Variants in LRSAM1 observed in about 807,000 individuals in gnomAD.
LRSAM1 encodes leucine rich repeat and sterile alpha motif containing 1.
Under a neutral mutation model 118.1 loss-of-function variants are expected in LRSAM1, and 96 were observed. The observed-to-expected ratio is 0.81, with a 90% CI of 0.69 to 0.96. The LOEUF (loss-of-function observed/expected upper bound fraction) is 0.96. Among genes scored for constraint, LRSAM1 ranks in the 40% least tolerant of loss-of-function variants. The pLI is 0.00. For synonymous variants in LRSAM1, 322 were observed against 364.2 expected, an observed-to-expected ratio of 0.88 and a Z score of 1.32; for missense variants, 804 against 915.5, an observed-to-expected ratio of 0.88 and a Z score of 1.57.
chr9:127,497,235 TTCC>T lies in LRSAM1; in HGVS notation c.1831-16_1831-14del. ...CTCCCGCCCAGGCCACAGTCTGCAC[TTCC>T]TTGAACTGTCACAGGTGGGCGTCTC... On this transcript the variant is annotated splice_polypyrimidine_tract_variant and intron_variant, in intron 23 of 25. Transcript: ENST00000300417. 1 of 1,612,592 alleles carries T rather than the reference TTCC, an allele frequency of 6.2e-7. No homozygotes were observed.
chr9:127,486,936 A>C (rs940042058), intron 17 of LRSAM1, among the ~76,000 whole-genome samples: 13 of 152,100 alleles, frequency 8.5e-5, no homozygotes, highest in Non-Finnish European at 1.6e-4. Flanking sequence ...TAATCCCAGC[A>C]CTTTGGGAGG....
chr9:127,461,084 G>A (rs1283608511), intron 7 of LRSAM1, 89 bp from the exon 8 acceptor site: 24 of 950,506 alleles, frequency 2.5e-5, no homozygotes, highest in Non-Finnish European at 3.6e-5. Context: ...TTGAACTCTT[G>A]ACCTTGTGAT....
chr9:127,462,936 C>T (rs1406669911), intron 9 of LRSAM1, among the ~76,000 whole-genome samples: 1 of 152,122 alleles, frequency 6.6e-6, no homozygotes. Context: ...TGGCTCACTC[C>T]TGTAATCCCA....
In LRSAM1 at chr9:127,459,068, C is replaced by T. The variant is rs1372307717; in HGVS notation, c.318C>T (p.Leu106=). 6.2e-7 allele frequency: 1 copy of T among 1,613,494 alleles called. No individual in the cohort carries two copies. The highest frequency in any genetic ancestry group is 8.5e-7 in the Non-Finnish European group (1 of 1,179,952). ...LPDDLGQLTA[L]QVLNVERNQL... is the part of the protein sequence containing the mutation. ...ACGATCTGGGGCAGCTGACTGCCCT[C>T]CAGGTAAGGCTGCAGAAACAGAAAC... Residue 106 remains leucine, a synonymous_variant, in exon 7 of 26, where the codon CTC becomes CTT. Coordinates refer to ENST00000300417, the MANE Select transcript of LRSAM1 (RefSeq NM_001005373.4).
intron 10 of LRSAM1, among the ~76,000 whole-genome samples, chr9:127,473,168 G>A (rs1023456483): frequency 6.6e-6 from 1 of 152,134 alleles, no homozygotes; most frequent in Non-Finnish European, 1.5e-5. Flanking sequence ...TTCTTGTGAC[G>A]TGACTGTATC....
intron 21 of LRSAM1, among the ~76,000 whole-genome samples, chr9:127,493,726 G>A (rs1170900761): frequency 1.3e-5 from 2 of 152,146 alleles, no homozygotes; most frequent in African/African-American, 4.8e-5. Flanking sequence ...GTCCCCTGAT[G>A]GGTTTGACAC....
chr9:127,462,285 G>C lies in LRSAM1; in HGVS notation c.440G>C (p.Gly147Ala). The C allele has an allele frequency of 6.2e-7, 1 of 1,614,100 alleles. No individual in the cohort carries two copies. The highest frequency in any genetic ancestry group is 2.2e-5 in the East Asian group (1 of 44,876). ...CTGAAGGAGCTTCCAGACACCGTGG[G>C]GGAGCTTCGAAGCCTGCGTACCCTC... ...NKLKELPDTV[G>A]ELRSLRTLNI... The change falls in exon 9 of 26, where the codon GGG (glycine) becomes GCG (alanine). Residue 147 changes from glycine to alanine, a missense_variant. Coordinates refer to ENST00000300417, the MANE Select transcript of LRSAM1 (RefSeq NM_001005373.4).
At chr9:127,458,921 C>T in intron 6 of LRSAM1, 82 bp from the exon 7 acceptor site, 1 of 1,423,298 alleles carries the variant, frequency 7.0e-7, no homozygotes, top group Non-Finnish European at 9.9e-7. Context: ...GTGAGGTGGC[C>T]CCAGCCCCTC....
intron 16 of LRSAM1, among the ~76,000 whole-genome samples, chr9:127,484,359 C>T (rs1261266291): frequency 2.7e-5 from 4 of 149,722 alleles, no homozygotes; most frequent in African/African-American, 9.8e-5. Flanking sequence ...GTTGCATTTC[C>T]TGTATATGCC....
At chr9:127,468,739 G>T (rs1835049568) in intron 10 of LRSAM1, among the ~76,000 whole-genome samples, 1 of 150,160 alleles carries the variant, frequency 6.7e-6, no homozygotes, top group Admixed American at 6.7e-5. Flanking sequence ...ACTATGGGAG[G>T]CTGAGGCAGG....
At chr9:127,459,651 C>T (rs771907945) in intron 7 of LRSAM1, among the ~76,000 whole-genome samples, 3 of 152,036 alleles carry the variant, frequency 2.0e-5, no homozygotes, top group Non-Finnish European at 4.4e-5. Context: ...ATCTGCCTCC[C>T]GGGTTCAAGA....
intron 22 of LRSAM1, 34 bp from the exon 23 acceptor site, chr9:127,495,923 TTTCTTCC>T (rs777815906): frequency 1.2e-6 from 2 of 1,608,500 alleles, no homozygotes; most frequent in African/African-American, 2.7e-5. Flanking sequence ...AGTGGGTTCT[TTTCTTCC>T]TTCCTGCTCA....
At chr9:127,479,724 A>T in intron 13 of LRSAM1, 115 bp from the exon 14 acceptor site, 13 of 1,457,024 alleles carry the variant, frequency 8.9e-6, no homozygotes, top group Non-Finnish European at 1.1e-5. Context: ...GCCGGAGGTC[A>T]CACAAAAAGG....
At chr9:127,498,794 C>T (rs527462088) in intron 24 of LRSAM1, among the ~76,000 whole-genome samples, 220 of 152,214 alleles carry the variant, frequency 1.4e-3, no homozygotes, top group African/African-American at 5.0e-3. Flanking sequence ...TGTGGTGGCT[C>T]ACACCTGTAA....
intron 2 of LRSAM1, 105 bp downstream of exon 2, chr9:127,452,189 A>C (rs1444671530): frequency 6.6e-6 from 1 of 152,414 alleles, no homozygotes; most frequent in African/African-American, 2.4e-5. Context: ...GCAGCCTGGA[A>C]AGAACTGATC....
chr9:127,480,488 A>C (rs1835498256), intron 14 of LRSAM1, among the ~76,000 whole-genome samples: 1 of 152,212 alleles, frequency 6.6e-6, no homozygotes, highest in Admixed American at 6.5e-5. Flanking sequence ...TTCCAGAAAC[A>C]GGCTCCAGCC....
chr9:127,489,804 G>A (rs1835866612), intron 19 of LRSAM1, among the ~76,000 whole-genome samples: 1 of 152,246 alleles, frequency 6.6e-6, no homozygotes, highest in African/African-American at 2.4e-5. Flanking sequence ...CTGATGTGTG[G>A]CTTTGACTGC....
intron 11 of LRSAM1, 37 bp downstream of exon 11, chr9:127,473,968 GT>G: frequency 6.2e-7 from 1 of 1,613,552 alleles, no homozygotes; most frequent in Non-Finnish European, 8.5e-7. Flanking sequence ...ATACATGTGT[GT>G]GTGTGCGTGT....
chr9:127,462,251 G>C lies in LRSAM1; in HGVS notation c.407-1G>C. 1 of 1,614,050 alleles carries C rather than the reference G, an allele frequency of 6.2e-7. No homozygotes were observed. ...GAGCTGTGCTATTGGGGTCTCTGCA[G>C]ACAACAAGCTGAAGGAGCTTCCAGA... On this transcript the variant is annotated splice_acceptor_variant, in intron 8 of 25. Transcript: ENST00000300417. LOFTEE classifies it high-confidence loss of function.
Sources: allele counts gnomAD v4.1 joint callset (sites outside exome capture counted in the v4.1 genomes callset), GRCh38; gene constraint gnomAD v4.1.1; transcripts MANE v1.5; gene names NCBI Gene and HGNC (gene_info 2026-07-23, HGNC 2026-07-21).